The following CSMD1 variants were observed in gnomAD, a reference collection of about 807,000 sequenced individuals.
CSMD1 encodes the protein CUB and sushi domain-containing protein 1.
CSMD1 carries 213 observed loss-of-function variants against 417.5 expected under a neutral mutation model. The ratio of observed to expected loss-of-function variants is 0.51; its 90% CI spans 0.46 to 0.57. CSMD1 has a LOEUF of 0.57. Among genes scored for constraint, CSMD1 ranks in the 20% least tolerant of loss-of-function variants. CSMD1 has a pLI of 0.00. For synonymous variants in CSMD1, 2,862 were observed against 1,736.8 expected (o/e 1.65, Z -16.11); for missense variants, 6,923 against 4,529.7 (o/e 1.53, Z -15.17).
At chr8:3,956,223 C>T (rs181692435) in intron 5 of CSMD1, among the ~76,000 whole-genome samples, 1 of 151,958 alleles carries the variant, frequency 6.6e-6, no homozygotes, top group African/African-American at 2.4e-5. Context: ...ATATAATGTG[C>T]CAGGTGGTGT....
At position 4,551,530 on chromosome 8, in the gene CSMD1, C is replaced by T. The variant is rs570760700; in HGVS notation, c.302+85812G>A. 2.6e-5 allele frequency among the ~76,000 whole-genome samples: 4 copies of T among 152,310 alleles called. No individual in the cohort carries two copies. In the South Asian group the frequency reaches 6.2e-4, roughly 24 times the overall value. On this transcript the variant is annotated intron_variant, in intron 2 of 69. Transcript: ENST00000635120. ...AATTGAATGCTACCTGCCCAACCAT[C>T]CCTATGGTCTTCCCTGGCTGACTCT... is the stretch of plus-strand genomic sequence containing the variant.
chr8:4,696,006 T>G (rs906631944), intron 1 of CSMD1, among the ~76,000 whole-genome samples: 4 of 152,226 alleles, frequency 2.6e-5, no homozygotes, highest in Non-Finnish European at 1.5e-5. Flanking sequence ...CCTGGCTTAC[T>G]GCACATTAGT....
At chr8:3,053,711 A>G (rs1055464678) in intron 49 of CSMD1, among the ~76,000 whole-genome samples, 2 of 152,214 alleles carry the variant, frequency 1.3e-5, no homozygotes, top group Non-Finnish European at 2.9e-5. Flanking sequence ...AGATGTATCT[A>G]CTATGGGACA....
At chr8:4,748,032 T>G (rs1334437088) in intron 1 of CSMD1, among the ~76,000 whole-genome samples, 1 of 152,188 alleles carries the variant, frequency 6.6e-6, no homozygotes. Context: ...AAACTCTATG[T>G]AGAAGTAGAA....
chr8:4,097,135 G>C (rs1231635693), intron 3 of CSMD1, among the ~76,000 whole-genome samples: 1 of 152,048 alleles, frequency 6.6e-6, no homozygotes, highest in Admixed American at 6.6e-5. Context: ...GAGCTGCAAC[G>C]AGCTGTTCAT....
chr8:3,912,837 C>T (rs1001126625), intron 5 of CSMD1, among the ~76,000 whole-genome samples: 1 of 152,086 alleles, frequency 6.6e-6, no homozygotes, highest in South Asian at 2.1e-4. Flanking sequence ...AAATTATATT[C>T]TGTTGAGAGT....
intron 5 of CSMD1, among the ~76,000 whole-genome samples, chr8:3,851,917 G>A (rs1326340224): frequency 6.6e-6 from 1 of 152,122 alleles, no homozygotes; most frequent in Non-Finnish European, 1.5e-5. Flanking sequence ...TAGAAGTACT[G>A]GGGGCCTGAG....
chr8:4,048,612 A>C (rs921602026), intron 3 of CSMD1, among the ~76,000 whole-genome samples: 3 of 152,242 alleles, frequency 2.0e-5, no homozygotes, highest in Non-Finnish European at 4.4e-5. Flanking sequence ...AGCACACACC[A>C]AACAGGTAAT....
intron 49 of CSMD1, among the ~76,000 whole-genome samples, chr8:3,054,707 G>C (rs893323122): frequency 1.3e-5 from 2 of 152,188 alleles, no homozygotes; most frequent in African/African-American, 4.8e-5. Context: ...GTGTGTACGT[G>C]TGTGTACATG....
intron 26 of CSMD1, among the ~76,000 whole-genome samples, chr8:3,230,580 G>C (rs77446974): frequency 0.04 from 6,060 of 152,024 alleles, 177 homozygotes; most frequent in South Asian, 0.11. Context: ...ACCCCATACT[G>C]CAAATTACAT....
intron 8 of CSMD1, among the ~76,000 whole-genome samples, chr8:3,594,190 G>A (rs1243813036): frequency 3.3e-5 from 5 of 152,040 alleles, no homozygotes; most frequent in East Asian, 1.9e-4. Flanking sequence ...CTCATTTACG[G>A]CCGTCCCCAA....
chr8:3,409,366 C>A (rs963032985), intron 13 of CSMD1, 57 bp downstream of exon 13: 18 of 1,428,660 alleles, frequency 1.3e-5, no homozygotes, highest in Middle Eastern at 4.1e-4. Flanking sequence ...CTCCTTTTCT[C>A]CCCTTGCAAG....
At chr8:3,790,304 C>G (rs928435117) in intron 5 of CSMD1, among the ~76,000 whole-genome samples, 2 of 152,114 alleles carry the variant, frequency 1.3e-5, no homozygotes, top group African/African-American at 2.4e-5. Context: ...TCATGTGTAG[C>G]TACTGGCTGT....
chr8:4,434,101 G>A (rs1396708794), intron 2 of CSMD1, among the ~76,000 whole-genome samples: 1 of 152,160 alleles, frequency 6.6e-6, no homozygotes, highest in Non-Finnish European at 1.5e-5. Context: ...ACTTTGGGAG[G>A]TTGAAGTGGG....
chr8:4,311,716 C>T (rs933452235), intron 3 of CSMD1, among the ~76,000 whole-genome samples: 2 of 83,756 alleles, frequency 2.4e-5, no homozygotes, highest in African/African-American at 1.2e-4. Context: ...AAGCAAGACT[C>T]AGTCTCAAAA....
At chr8:3,674,035 G>C (rs138629490) in intron 7 of CSMD1, among the ~76,000 whole-genome samples, 5 of 152,274 alleles carry the variant, frequency 3.3e-5, no homozygotes, top group African/African-American at 1.2e-4. Context: ...GAGCCTGGGA[G>C]GCAGAGGTTG....
intron 5 of CSMD1, among the ~76,000 whole-genome samples, chr8:3,767,333 C>T (rs144554772): frequency 1.7e-3 from 260 of 152,348 alleles, no homozygotes; most frequent in African/African-American, 5.8e-3. Flanking sequence ...TGGAGTCATA[C>T]TGACCTGGGT....
At chr8:4,805,931 G>A (rs1215311053) in intron 1 of CSMD1, among the ~76,000 whole-genome samples, 1 of 152,144 alleles carries the variant, frequency 6.6e-6, no homozygotes, top group Admixed American at 6.5e-5. Flanking sequence ...CCTCAGAGCA[G>A]TAAACCTGAG....
chr8:4,403,626 G>C (rs896008422), intron 3 of CSMD1, among the ~76,000 whole-genome samples: 1 of 152,072 alleles, frequency 6.6e-6, no homozygotes, highest in Non-Finnish European at 1.5e-5. Context: ...TCACCATCTG[G>C]TCTACTTAGT....
Sources: allele counts gnomAD v4.1 joint callset (sites outside exome capture counted in the v4.1 genomes callset), GRCh38; gene constraint gnomAD v4.1.1; transcripts MANE v1.5; gene names NCBI Gene and HGNC (gene_info 2026-07-23, HGNC 2026-07-21).